The following AUTS2 variants were observed in gnomAD, a reference collection of about 807,000 sequenced individuals.
The protein encoded by AUTS2 is autism susceptibility gene 2 protein.
A neutral mutation model predicts 112.4 loss-of-function variants in AUTS2; 17 were observed. That is an observed-to-expected ratio of 0.15 (90% CI 0.10 to 0.23). The LOEUF is 0.23. Among genes scored for constraint, AUTS2 ranks in the 10% least tolerant of loss-of-function variants. The probability of loss-of-function intolerance (pLI) is 1.00; values close to 1 mark genes in which losing one functional copy is unlikely to be tolerated. For missense variants in AUTS2, 1,510 were observed against 1,701.6 expected (o/e 0.89, Z 1.98); for synonymous variants, 751 against 702.7 (o/e 1.07, Z -1.09).
intron 7 of AUTS2, among the ~76,000 whole-genome samples, chr7:70,764,396 A>G (rs1441061856): frequency 6.6e-6 from 1 of 152,098 alleles, no homozygotes; most frequent in Admixed American, 6.5e-5. Flanking sequence ...GTTGCTTTAT[A>G]GGAGATGTAG....
At chr7:69,871,360 A>G (rs548984133) in intron 1 of AUTS2, among the ~76,000 whole-genome samples, 2 of 152,240 alleles carry the variant, frequency 1.3e-5, no homozygotes, top group East Asian at 3.9e-4. Context: ...TAACCATAAC[A>G]CACTTATAGG....
At chr7:70,669,484 G>C (rs1055360300) in intron 5 of AUTS2, among the ~76,000 whole-genome samples, 5 of 152,218 alleles carry the variant, frequency 3.3e-5, no homozygotes, top group African/African-American at 1.2e-4. Context: ...TTTTAGAGCA[G>C]AAAGGGACTT....
intron 4 of AUTS2, among the ~76,000 whole-genome samples, chr7:70,332,091 G>C (rs907069004): frequency 6.6e-6 from 1 of 152,162 alleles, no homozygotes; most frequent in Non-Finnish European, 1.5e-5. Context: ...ATCTCCTTAA[G>C]CAGATAAGCA....
At chr7:70,377,857 G>C (rs1264907620) in intron 4 of AUTS2, among the ~76,000 whole-genome samples, 1 of 148,550 alleles carries the variant, frequency 6.7e-6, no homozygotes, top group East Asian at 2.0e-4. Context: ...TGCAAGCTCC[G>C]CCTCCCGGGT....
intron 5 of AUTS2, among the ~76,000 whole-genome samples, chr7:70,501,599 G>T (rs111721511): frequency 3.9e-5 from 6 of 152,054 alleles, no homozygotes; most frequent in African/African-American, 1.5e-4. Context: ...TTCTTTCCTG[G>T]TTTTGTCGTT....
At chr7:70,739,003 C>CTGTTTTTTTTT (rs1787939305) in intron 6 of AUTS2, among the ~76,000 whole-genome samples, 1 of 57,298 alleles carries the variant, frequency 1.7e-5, no homozygotes, top group East Asian at 7.8e-4. Context: ...GTTTTGAGGC[C>CTGTTTTTTTTT]TTTTTTTTTT....
chr7:69,914,173 A>G (rs1795468601), intron 2 of AUTS2, among the ~76,000 whole-genome samples: 1 of 151,990 alleles, frequency 6.6e-6, no homozygotes, highest in Admixed American at 6.6e-5. Flanking sequence ...GAGAGATATC[A>G]CCTCCACCAC....
At chr7:70,305,323 TATGAAG>T (rs1789444554) in intron 4 of AUTS2, among the ~76,000 whole-genome samples, 1 of 152,162 alleles carries the variant, frequency 6.6e-6, no homozygotes, top group Non-Finnish European at 1.5e-5. Flanking sequence ...ACCAGTGATA[TATGAAG>T]GTACCCACTG....
rs898319217 is a variant in AUTS2, at chr7:70,295,631, T to A, written c.661-140121T>A. ...ACTCTATTGCCTCAACTCTATTGAG[T>A]TACTCCAACTCAACTGCTCCCACCT... On this transcript the variant is annotated intron_variant, in intron 4 of 18. Transcript: ENST00000342771. 2.0e-5 allele frequency among the ~76,000 whole-genome samples: 3 copies of A among 152,120 alleles called. No individual in the cohort carries two copies. In the East Asian group the frequency reaches 5.8e-4, roughly 29 times the overall value.
At chr7:69,745,154 C>A (rs1205382519) in intron 1 of AUTS2, among the ~76,000 whole-genome samples, 1 of 152,124 alleles carries the variant, frequency 6.6e-6, no homozygotes, top group Non-Finnish European at 1.5e-5. Context: ...CTCCGGCTGA[C>A]CAAAAAACCA....
chr7:70,119,646 G>C (rs1252023898), intron 3 of AUTS2: 1 of 152,174 alleles, frequency 6.6e-6, no homozygotes, highest in Non-Finnish European at 1.5e-5. Flanking sequence ...AGAGCTGTGA[G>C]CCACCTCGCC....
rs1244544371 is a variant in AUTS2 at position 70,763,235 on chromosome 7, C to T, written c.1108C>T (p.Leu370=). 1 of 1,614,106 alleles carries T rather than the reference C, an allele frequency of 6.2e-7. No homozygotes were observed. The highest frequency in any genetic ancestry group is 8.5e-7 in the Non-Finnish European group (1 of 1,180,002). Residue 370 remains leucine (L), a synonymous_variant, in exon 7 of 19, where the codon CTG becomes TTG. Transcript: ENST00000342771. ...RPPRPQSPTQ[L]LHQNLPPVQA... The stretch of plus-strand genomic sequence containing the variant: ...ACCCAGGCCACAGTCCCCCACCCAG[C>T]TGCTCCATCAGAACCTCCCACCTGT...
intron 1 of AUTS2, among the ~76,000 whole-genome samples, chr7:69,718,847 A>G (rs1798761154): frequency 6.6e-6 from 1 of 152,192 alleles, no homozygotes; most frequent in Non-Finnish European, 1.5e-5. Context: ...TCTTTGCAAA[A>G]TAAATTGTTA....
chr7:70,753,440 T>C (rs1401116226), intron 6 of AUTS2, among the ~76,000 whole-genome samples: 2 of 152,194 alleles, frequency 1.3e-5, no homozygotes, highest in African/African-American at 4.8e-5. Flanking sequence ...CCCCCTGATC[T>C]TCCACTCTTG....
At chr7:70,028,310 C>T (rs1407595249) in intron 2 of AUTS2, among the ~76,000 whole-genome samples, 3 of 152,146 alleles carry the variant, frequency 2.0e-5, no homozygotes, top group Non-Finnish European at 4.4e-5. Context: ...CTATGTCACC[C>T]TGGCAGTTTC....
chr7:69,668,298 G>A (rs1796162812), intron 1 of AUTS2, among the ~76,000 whole-genome samples: 1 of 152,198 alleles, frequency 6.6e-6, no homozygotes, highest in Non-Finnish European at 1.5e-5. Context: ...TTCATATCAT[G>A]AAGAAAGTTA....
chr7:70,772,817 G>A (rs1015996788), intron 11 of AUTS2, among the ~76,000 whole-genome samples: 1 of 152,208 alleles, frequency 6.6e-6, no homozygotes, highest in Non-Finnish European at 1.5e-5. Context: ...TAAAATGATG[G>A]TGATTTTAAA....
intron 1 of AUTS2, among the ~76,000 whole-genome samples, chr7:69,824,151 C>T (rs1033400136): frequency 2.0e-5 from 3 of 152,068 alleles, no homozygotes; most frequent in South Asian, 2.1e-4. Context: ...CGGTGGCTCA[C>T]GTCTGTAATC....
intron 1 of AUTS2, among the ~76,000 whole-genome samples, chr7:69,806,652 GA>G (rs1404368762): frequency 6.6e-6 from 1 of 152,144 alleles, no homozygotes; most frequent in African/African-American, 2.4e-5. Flanking sequence ...TGATGAGCTA[GA>G]CTCTGTTACC....
Sources: gnomAD v4.1 joint callset for allele counts (sites outside exome capture counted in the v4.1 genomes callset) on GRCh38, gnomAD v4.1.1 for gene constraint, MANE v1.5 for transcripts, NCBI Gene and HGNC (gene_info 2026-07-23, HGNC 2026-07-21) for gene names.